WBP2: variants seen among roughly 807,000 people sequenced by gnomAD.
The protein encoded by WBP2 is WW domain binding protein 2, also known as WW domain-binding protein 2.
Under a neutral mutation model 33.0 loss-of-function variants are expected in WBP2, and 23 were observed. The observed-to-expected ratio is 0.70, with a 90% confidence interval of 0.50 to 0.99. The LOEUF (loss-of-function observed/expected upper bound fraction) is 0.99, where lower values mean the gene tolerates loss of function less well. Ranked by LOEUF, WBP2 falls within the 50% of genes least tolerant of loss-of-function variation. WBP2 has a pLI of 0.00. For synonymous variants in WBP2, 153 were observed against 133.5 expected, an observed-to-expected ratio of 1.15 and a Z score of -1.01; for missense variants, 353 against 358.0, an observed-to-expected ratio of 0.99 and a Z score of 0.11.
intron 1 of WBP2, chr17:75,852,909 G>C (rs2065036296): frequency 1.8e-6 from 1 of 562,816 alleles, no homozygotes; most frequent in Non-Finnish European, 2.3e-6. Flanking sequence ...CTTAAGCGGG[G>C]TTTGCAGGAA....
intron 1 of WBP2, among the ~76,000 whole-genome samples, chr17:75,854,399 G>A (rs1380924759): frequency 6.6e-6 from 1 of 152,178 alleles, no homozygotes; most frequent in Non-Finnish European, 1.5e-5. Flanking sequence ...GGAGACAGAG[G>A]CCATTTAAGG....
chr17:75,847,444 G>A lies in WBP2; in HGVS notation c.655+43C>T, dbSNP rs368850455. On this transcript the variant is annotated intron_variant, in intron 6 of 7. Transcript: ENST00000254806. ...GCTCTCTGTGCGACATCGGGGAGGA[G>A]AGGGCTGGTCCCGAAGGGCTGCCAG... 5 of 1,574,214 alleles carry A rather than the reference G, an allele frequency of 3.2e-6. No individual in the cohort carries two copies. In the African/African-American group the frequency reaches 6.8e-5, roughly 21 times the overall value.
Position 75,847,625 on chromosome 17 carries a change from G to A in WBP2, c.533-16C>T. Reference sequence around the variant, plus strand: ...GGATAGAACTCTGCTCGGTGAGAGAGTAACAAGGACATGGTGAGCACCCGG... The same window carrying A: ...GGATAGAACTCTGCTCGGTGAGAGAATAACAAGGACATGGTGAGCACCCGG... On this transcript the variant is annotated splice_polypyrimidine_tract_variant and intron_variant, in intron 5 of 7. Coordinates refer to ENST00000254806, the MANE Select transcript of WBP2 (RefSeq NM_012478.4). 1.2e-6 allele frequency: 2 copies of A among 1,612,980 alleles called. No individual in the cohort carries two copies. The highest frequency in any genetic ancestry group is 1.7e-6 in the Non-Finnish European group (2 of 1,179,712).
At position 75,852,088 on chromosome 17, in the gene WBP2, G is replaced by A. The variant is rs370746080; in HGVS notation, c.60-412C>T. On this transcript the variant is annotated intron_variant, in intron 1 of 7. Transcript: ENST00000254806. ...CACTGAACTCCAGCCTGGGCAACAAGAGAGAAGCTCTGTCTCAAAAACAAA... is the reference window on the plus strand; with the variant it reads ...CACTGAACTCCAGCCTGGGCAACAAAAGAGAAGCTCTGTCTCAAAAACAAA... The A allele has an allele frequency of 9.4e-5, 16 of 170,926 alleles. No individual in the cohort carries two copies. In the East Asian group the frequency reaches 2.0e-3, roughly 22 times the overall value. The allele number at this position is 170,926 out of a possible 1,614,324, so 10.6% of individuals were successfully genotyped here.
chr17:75,856,029 C>T (rs2065056869), upstream of WBP2, among the ~76,000 whole-genome samples: 1 of 152,226 alleles, frequency 6.6e-6, no homozygotes, highest in African/African-American at 2.4e-5. Context: ...CGGCCGGGCG[C>T]CCCTCGCAGC....
chr17:75,851,518 C>A (rs1203778642), intron 2 of WBP2, 50 bp downstream of exon 2: 1 of 1,444,522 alleles, frequency 6.9e-7, no homozygotes, highest in African/African-American at 1.4e-5. Context: ...ACTCACGTCA[C>A]CTCCAACAGC....
At chr17:75,855,338 G>C, upstream of WBP2, 1 of 1,607,086 alleles carries the variant, frequency 6.2e-7, no homozygotes, top group Non-Finnish European at 8.5e-7. Context: ...AACGCAATGA[G>C]CTTGCGCCCC....
chr17:75,855,140 T>C (rs1424525143), intron 1 of WBP2, 99 bp downstream of exon 1: 4 of 847,108 alleles, frequency 4.7e-6, no homozygotes, highest in Admixed American at 4.5e-5. Context: ...CCATCAGTGC[T>C]CCCTCTTCAG....
chr17:75,846,399 G>C lies in WBP2; in HGVS notation c.*335C>G. 1 of 405,654 alleles carries C rather than the reference G, an allele frequency of 2.5e-6. No homozygotes were observed. The highest frequency in any genetic ancestry group is 4.6e-6 in the Non-Finnish European group (1 of 218,094). The allele number at this position is 405,654 out of a possible 1,614,324, so 25.1% of individuals were successfully genotyped here. ...AGTGGGTGCCAGACTGAGGGAGCTG[G>C]ACTGCGGTGGAGGAGGTGGCCAGAG... On this transcript the variant is annotated 3_prime_UTR_variant, in exon 8 of 8. Coordinates refer to ENST00000254806, the MANE Select transcript of WBP2 (RefSeq NM_012478.4). The surrounding 1 kb of genome is among the most constrained non-coding windows in gnomAD (Gnocchi z 4.8).
At position 75,851,665 on chromosome 17, in the gene WBP2, G is replaced by C. The variant is rs374977249; in HGVS notation, c.71C>G (p.Ser24Cys). ...IVNNTESILM[S>C]YDHVELTFND... Reference sequence around the variant, plus strand: ...GAATGTGAGTTCCACGTGATCATAGGACATTAGGATGCTGTGATGAGAAAA... The same window carrying C: ...GAATGTGAGTTCCACGTGATCATAGCACATTAGGATGCTGTGATGAGAAAA... Residue 24 changes from serine (S) to cysteine (C), a missense_variant, in exon 2 of 8, where the codon TCC becomes TGC. Transcript: ENST00000254806. 1.9e-6 allele frequency: 3 copies of C among 1,612,940 alleles called. No homozygotes were observed. Among genetic ancestry groups the C allele is most frequent in the Admixed American group, 3.3e-5 (2 of 59,992 alleles).
intron 3 of WBP2, 153 bp downstream of exon 3, chr17:75,849,451 A>C (rs1431015635): frequency 8.6e-6 from 8 of 935,076 alleles, no homozygotes; most frequent in Admixed American, 2.6e-5. Flanking sequence ...ACCTCTTGGC[A>C]ATCAAACCCC....
chr17:75,847,927 G>A lies in WBP2; in HGVS notation c.401C>T (p.Ser134Phe), dbSNP rs1056277129. 6.4e-7 allele frequency: 1 copy of A among 1,564,182 alleles called. No homozygotes were observed. Among genetic ancestry groups the A allele is most frequent in the Admixed American group, 1.9e-5 (1 of 52,590 alleles). Residue 134 changes from serine (S) to phenylalanine (F), a missense_variant, in exon 5 of 8, where the codon TCC becomes TTC. Coordinates refer to ENST00000254806, the MANE Select transcript of WBP2 (RefSeq NM_012478.4). ...GGCTCCACTGGGGACTTCACCTCTG[G>A]AGGCTACGAGTACAAGGGGAAAGAG... ...QRMLQVASQASRGEVPSGAYG... is the reference protein window; with the variant it reads ...QRMLQVASQAFRGEVPSGAYG...
At chr17:75,856,287 G>A (rs2065058187), upstream of WBP2, 1 of 152,308 alleles carries the variant, frequency 6.6e-6, no homozygotes, top group African/African-American at 2.4e-5. Context: ...GTGAGGCGGA[G>A]AGAGGGGGCT....
At chr17:75,854,067 AAAAAGAG>A (rs1466404111) in intron 1 of WBP2, among the ~76,000 whole-genome samples, 1 of 149,648 alleles carries the variant, frequency 6.7e-6, no homozygotes, top group African/African-American at 2.5e-5. Flanking sequence ...AAAAAAAAAA[AAAAAGAG>A]AAGAGAAGTA....
At chr17:75,849,090 C>T (rs1013971331) in intron 3 of WBP2, 4 of 247,148 alleles carry the variant, frequency 1.6e-5, no homozygotes, top group East Asian at 1.0e-4. Flanking sequence ...GGACAGACTC[C>T]GGCCCCTCTA....
At chr17:75,847,084 G>C in intron 6 of WBP2, 100 bp from the exon 7 acceptor site, 1 of 1,339,090 alleles carries the variant, frequency 7.5e-7, no homozygotes, top group Admixed American at 1.9e-5. Flanking sequence ...GCTGGTGCTG[G>C]GGGTCCAGTT....
chr17:75,847,397 A>T (rs1448989628), intron 6 of WBP2, 90 bp downstream of exon 6: 8 of 1,539,254 alleles, frequency 5.2e-6, no homozygotes, highest in African/African-American at 1.4e-5. Flanking sequence ...TGCGGCTCTC[A>T]GCAGTCTCTG....
At chr17:75,856,231 T>G (rs969737993), upstream of WBP2, 1 of 152,284 alleles carries the variant, frequency 6.6e-6, no homozygotes, top group Non-Finnish European at 1.5e-5. Context: ...CAGCTGTCAT[T>G]CCCTAACCGC....
In WBP2 at chr17:75,846,767, G is replaced by C; in HGVS notation, c.753C>G (p.Pro251=). Residue 251 remains proline, a synonymous_variant, in exon 8 of 8, where the codon CCC becomes CCG. Coordinates refer to ENST00000254806, the MANE Select transcript of WBP2 (RefSeq NM_012478.4). The surrounding 1 kb of genome is among the most constrained non-coding windows in gnomAD (Gnocchi z 4.8). ...TCTTCTTATCTTCCGGTGGGTAGTA[G>C]GGAGGTGGCGGCGGCTGGCTCTAAA... The part of the protein sequence containing the change: ...YMPTSQPPPP[P]YYPPEDKKTQ The C allele has an allele frequency of 6.5e-7, 1 of 1,547,792 alleles. No homozygotes were observed. The highest frequency in any genetic ancestry group is 8.7e-7 in the Non-Finnish European group (1 of 1,146,030).
Sources: allele counts gnomAD v4.1 joint callset (sites outside exome capture counted in the v4.1 genomes callset), GRCh38; gene constraint gnomAD v4.1.1; non-coding constraint Gnocchi (gnomAD v3.1); transcripts MANE v1.5; gene names NCBI Gene and HGNC (gene_info 2026-07-23, HGNC 2026-07-21).